MPP7: variants seen among roughly 807,000 people sequenced by gnomAD.
The protein encoded by MPP7 is MAGUK p55 scaffold protein 7.
A neutral mutation model predicts 76.5 loss-of-function variants in MPP7; 60 were observed. That is an observed-to-expected ratio of 0.78 (90% confidence interval 0.64 to 0.97). The LOEUF (loss-of-function observed/expected upper bound fraction) is 0.97. Among genes scored for constraint, MPP7 ranks in the 50% least tolerant of loss-of-function variants. The pLI is 0.00. For missense variants in MPP7, 641 were observed against 694.0 expected (o/e 0.92, Z 0.86); for synonymous variants, 237 against 244.5 (o/e 0.97, Z 0.29).
chr10:28,104,895 G>T (rs10826398), intron 11 of MPP7, among the ~76,000 whole-genome samples: 19,969 of 151,856 alleles, frequency 0.13, 1,976 homozygotes, highest in East Asian at 0.5. Context: ...AGACCAGGAG[G>T]ACATAAAGAA....
intron 3 of MPP7, among the ~76,000 whole-genome samples, chr10:28,197,248 T>C (rs1837616139): frequency 6.7e-6 from 1 of 148,872 alleles, no homozygotes; most frequent in Admixed American, 6.8e-5. Flanking sequence ...AGTGGCACGA[T>C]CTCAGCTCAC....
chr10:28,220,601 A>G (rs552906732), intron 2 of MPP7, among the ~76,000 whole-genome samples: 1 of 152,326 alleles, frequency 6.6e-6, no homozygotes, highest in East Asian at 1.9e-4. Context: ...ACATTACTGT[A>G]GCCAGCATTC....
intron 2 of MPP7, among the ~76,000 whole-genome samples, chr10:28,235,053 A>AC (rs1197265967): frequency 6.6e-6 from 1 of 152,082 alleles, no homozygotes; most frequent in Non-Finnish European, 1.5e-5. Flanking sequence ...CAAGAGATCC[A>AC]CCCACCTCAG....
At position 28,313,853 on chromosome 10, in the gene MPP7, A is replaced by ATTTTTTTTTTTTTTTTTTTTTT. The variant is rs1192149562; in HGVS notation, c.-132+16075_-132+16076insAAAAAAAAAAAAAAAAAAAAAA. Among the ~76,000 whole-genome samples the ATTTTTTTTTTTTTTTTTTTTTT allele has an allele frequency of 6.1e-5, 2 of 32,676 alleles. 1 individual carries two copies. Among genetic ancestry groups the ATTTTTTTTTTTTTTTTTTTTTT allele is most frequent in the Non-Finnish European group, 1.1e-4 (2 of 18,990 alleles). The allele number at this position is 32,676 out of a possible 152,430, so 21.4% of individuals were successfully genotyped here. On this transcript the variant is annotated intron_variant, in intron 2 of 11. Transcript: ENST00000441595. ...AGGTGTGTGCCACTATACCTGGCTAATTTTTTTTTTTTTATTTTTTTTATT... is the reference window on the plus strand; with the variant it reads ...AGGTGTGTGCCACTATACCTGGCTAATTTTTTTTTTTTTTTTTTTTTTTTTTTTTTTTTTTATTTTTTTTATT...
chr10:28,278,254 C>T (rs1206174059), intron 1 of MPP7, among the ~76,000 whole-genome samples: 1 of 152,090 alleles, frequency 6.6e-6, no homozygotes, highest in Non-Finnish European at 1.5e-5. Flanking sequence ...AAACTCCCTG[C>T]CACCTACTCA....
chr10:28,223,200 G>A lies in MPP7; in HGVS notation c.37+15368C>T, dbSNP rs200912929. Among the ~76,000 whole-genome samples the A allele has an allele frequency of 1.7e-4, 26 of 152,000 alleles. No individual in the cohort carries two copies. The East Asian group carries it at 5.0e-3, about 29-fold the overall frequency. ...ATATTTTATAAGACCACTGAAATATGCTCTCTTAAATTTAAGAGTCACTTG... is the reference window on the plus strand; with the variant it reads ...ATATTTTATAAGACCACTGAAATATACTCTCTTAAATTTAAGAGTCACTTG... On this transcript the variant is annotated intron_variant, in intron 2 of 16. Coordinates refer to ENST00000683449, the MANE Select transcript of MPP7 (RefSeq NM_001318170.2).
At chr10:28,294,034 G>A (rs563898773) in intron 1 of MPP7, among the ~76,000 whole-genome samples, 50 of 152,306 alleles carry the variant, frequency 3.3e-4, no homozygotes, top group African/African-American at 1.2e-3. Flanking sequence ...AGGGCTGGGC[G>A]TGGTGGCTCA....
rs541343318 is a variant in MPP7, at chr10:28,288,871, A to C, written c.-132+13990T>G. On this transcript the variant is annotated intron_variant, in intron 1 of 16. Coordinates refer to ENST00000683449, the MANE Select transcript of MPP7 (RefSeq NM_001318170.2). ...AGAACCACCAGCCACAGCCATCCTG[A>C]GAAAGGGCCTTATGAGCAGAATATT... 1.1e-4 allele frequency among the ~76,000 whole-genome samples: 17 copies of C among 152,288 alleles called. No homozygotes were observed. The East Asian group carries it at 2.5e-3, about 22-fold the overall frequency.
At chr10:28,202,418 A>G (rs1837806877) in intron 2 of MPP7, 147 bp from the exon 3 acceptor site, 4 of 577,982 alleles carry the variant, frequency 6.9e-6, no homozygotes, top group Non-Finnish European at 1.2e-5. Flanking sequence ...CCAAAGAACC[A>G]AAGGGGAATT....
At chr10:28,169,023 C>A (rs1344071474) in intron 3 of MPP7, among the ~76,000 whole-genome samples, 1 of 152,128 alleles carries the variant, frequency 6.6e-6, no homozygotes, top group African/African-American at 2.4e-5. Context: ...ACAAGGAGTT[C>A]TTTTGTTCCT....
intron 2 of MPP7, among the ~76,000 whole-genome samples, chr10:28,207,933 T>C (rs1228066600): frequency 2.0e-5 from 3 of 152,170 alleles, no homozygotes; most frequent in Non-Finnish European, 4.4e-5. Context: ...CTGCCTTTTA[T>C]GTTTGCATCA....
intron 1 of MPP7, among the ~76,000 whole-genome samples, chr10:28,301,235 A>G (rs1417445684): frequency 6.6e-6 from 1 of 152,218 alleles, no homozygotes; most frequent in Non-Finnish European, 1.5e-5. Context: ...ATTACACTTC[A>G]TTAGTATTTT....
intron 3 of MPP7, among the ~76,000 whole-genome samples, chr10:28,155,698 A>T (rs1044266088): frequency 2.6e-5 from 4 of 151,972 alleles, no homozygotes; most frequent in African/African-American, 9.7e-5. Context: ...TTTGGGGAGG[A>T]AGGGAGGTAG....
intron 12 of MPP7, among the ~76,000 whole-genome samples, chr10:28,076,642 C>T (rs1276545049): frequency 6.6e-6 from 1 of 152,136 alleles, no homozygotes; most frequent in Non-Finnish European, 1.5e-5. Context: ...AATCCCAGCA[C>T]TTTGGGAGGC....
intron 12 of MPP7, among the ~76,000 whole-genome samples, chr10:28,081,251 A>G (rs922927982): frequency 6.6e-6 from 1 of 152,182 alleles, no homozygotes; most frequent in African/African-American, 2.4e-5. Context: ...TAAACGTGAA[A>G]AGTGTTTTAG....
At chr10:28,238,969 A>AT (rs55950260) in intron 1 of MPP7, among the ~76,000 whole-genome samples, 5,295 of 152,052 alleles carry the variant, frequency 0.035, 171 homozygotes, top group African/African-American at 0.078. Context: ...TTCCTTAAAG[A>AT]TTTTTACATT....
In MPP7 at chr10:28,162,280, T is replaced by G. The variant is rs142797969; in HGVS notation, c.157-12221A>C. 7.4e-3 allele frequency among the ~76,000 whole-genome samples: 1,130 copies of G among 152,268 alleles called. 15 individuals carry two copies. The highest frequency in any genetic ancestry group is 0.026 in the African/African-American group (1,071 of 41,554). On this transcript the variant is annotated intron_variant, in intron 3 of 16. Transcript: ENST00000683449. ...GGCCTTGCAGTTTCAGATGGTGAAC[T>G]GAGCCCACGAATTGATCACACACCC... is the stretch of plus-strand genomic sequence containing the variant.
chr10:28,131,613 C>T lies in MPP7; in HGVS notation c.394G>A (p.Asp132Asn), dbSNP rs746515776. 1.1e-5 allele frequency: 18 copies of T among 1,606,380 alleles called. No homozygotes were observed. Among genetic ancestry groups the T allele is most frequent in the Non-Finnish European group, 1.5e-5 (18 of 1,175,664 alleles). The part of the protein sequence containing the change: ...VLPPMPEDID[D>N]EEDSVKIIRL... ...ATTATTTTTACTGAGTCTTCCTCAT[C>T]GTCAATATCTTCAGGCATAGGAGGC... The change falls in exon 6 of 17, where the codon GAT (aspartate) becomes AAT (asparagine). Residue 132 changes from aspartate (D) to asparagine (N), a missense_variant. Transcript: ENST00000683449.
chr10:28,276,507 G>A (rs568041192), intron 1 of MPP7, among the ~76,000 whole-genome samples: 3 of 152,072 alleles, frequency 2.0e-5, no homozygotes, highest in Non-Finnish European at 4.4e-5. Context: ...AAACAAACAA[G>A]ATGAAATTAC....
Sources: gnomAD v4.1 joint callset for allele counts (sites outside exome capture counted in the v4.1 genomes callset) on GRCh38, gnomAD v4.1.1 for gene constraint, MANE v1.5 for transcripts, NCBI Gene and HGNC (gene_info 2026-07-23, HGNC 2026-07-21) for gene names.